Variants in SAMD4A observed in about 807,000 individuals in gnomAD.
SAMD4A encodes protein Smaug homolog 1.
In SAMD4A, 33 loss-of-function variants were observed where a neutral mutation model predicts 81.3. The ratio of observed to expected loss-of-function variants is 0.41; its 90% CI spans 0.31 to 0.54. The LOEUF is 0.54. SAMD4A is among the 20% of genes least tolerant of loss of function. SAMD4A has a pLI of 0.37. For missense variants in SAMD4A, 854 were observed against 951.1 expected (o/e 0.90, Z 1.34); for synonymous variants, 389 against 382.1 (o/e 1.02, Z -0.21).
At chr14:54,568,143 C>G in intron 2 of SAMD4A, 31 bp downstream of exon 2, 9 of 1,448,372 alleles carry the variant, frequency 6.2e-6, no homozygotes, top group Non-Finnish European at 8.1e-6. Flanking sequence ...GCCGCCGTCC[C>G]GCCTGCCCAA....
chr14:54,761,249 G>T (rs1159041976), intron 7 of SAMD4A, among the ~76,000 whole-genome samples: 1 of 152,170 alleles, frequency 6.6e-6, no homozygotes, highest in Non-Finnish European at 1.5e-5. Context: ...AGGCTAATTA[G>T]CCCACCTGAG....
chr14:54,640,062 T>C (rs2035137061), intron 2 of SAMD4A, among the ~76,000 whole-genome samples: 1 of 151,902 alleles, frequency 6.6e-6, no homozygotes. Context: ...GTTTGCAGTG[T>C]ACCCTCAAAT....
At position 54,760,358 on chromosome 14, in the gene SAMD4A, C is replaced by A; in HGVS notation, c.1374C>A (p.Gly458=). The change falls in exon 7 of 13, where the codon GGC becomes GGA. Residue 458 remains glycine, a synonymous_variant. Transcript: ENST00000554335. ...PDCKDGAAAT[G]ATATPSAGAS... ...GCAAAGATGGGGCCGCAGCCACTGG[C>A]GCCACGGCCACCCCCTCGGCCGGGG... 1 of 1,580,042 alleles carries A rather than the reference C, an allele frequency of 6.3e-7. No homozygotes were observed. The highest frequency in any genetic ancestry group is 8.6e-7 in the Non-Finnish European group (1 of 1,169,454).
chr14:54,611,150 G>GA (rs548196419), intron 2 of SAMD4A, among the ~76,000 whole-genome samples: 22 of 150,388 alleles, frequency 1.5e-4, no homozygotes, highest in South Asian at 4.2e-4. Context: ...GTCCTAAAGA[G>GA]AAAAAAAAAC....
chr14:54,789,033 C>G lies in SAMD4A; in HGVS notation c.*89C>G. The stretch of plus-strand genomic sequence containing the variant: ...ATCTTCAGGGTTGCACAGAATCCTC[C>G]AAGATACTTTGCAGCCTTTTTTCCC... On this transcript the variant is annotated 3_prime_UTR_variant, in exon 13 of 13. Coordinates refer to ENST00000554335, the MANE Select transcript of SAMD4A (RefSeq NM_015589.6). 6.9e-7 allele frequency: 1 copy of G among 1,448,294 alleles called. No individual in the cohort carries two copies. Among genetic ancestry groups the G allele is most frequent in the Non-Finnish European group, 9.7e-7 (1 of 1,029,874 alleles). 89.7% of individuals were successfully genotyped at this position (1,448,294 alleles called of 1,614,324 possible). A position where few individuals can be genotyped will look rare whatever the true frequency, so the allele number is the denominator to read the frequency against.
At chr14:54,740,625 C>T (rs763639208) in intron 4 of SAMD4A, among the ~76,000 whole-genome samples, 31 of 152,330 alleles carry the variant, frequency 2.0e-4, no homozygotes, top group Admixed American at 5.2e-4. Flanking sequence ...ACACATCCTC[C>T]GTTAGGAGTG....
intron 2 of SAMD4A, chr14:54,687,870 A>G (rs2036318231): frequency 2.6e-6 from 2 of 759,216 alleles, no homozygotes; most frequent in Middle Eastern, 6.7e-4. Context: ...CAGGAGCTCA[A>G]ATCAGGGCCA....
rs145668044 is a variant in SAMD4A, at chr14:54,656,936, C to T, written c.197-45126C>T. ...TGTGATTTCTCATATTTTGCCAAAC[C>T]AATAGGGCAAAGAAACCACTGACAT... On this transcript the variant is annotated intron_variant, in intron 2 of 12. Coordinates refer to ENST00000554335, the MANE Select transcript of SAMD4A (RefSeq NM_015589.6). Among the ~76,000 whole-genome samples the T allele has an allele frequency of 1.6e-3, 248 of 152,146 alleles. 3 individuals are homozygous for T. In the East Asian group the frequency reaches 0.027, roughly 17 times the overall value.
At chr14:54,601,864 A>G (rs1261738887) in intron 2 of SAMD4A, among the ~76,000 whole-genome samples, 1 of 152,208 alleles carries the variant, frequency 6.6e-6, no homozygotes, top group Non-Finnish European at 1.5e-5. Flanking sequence ...AATAATGGGT[A>G]TTAGAGTTGT....
At chr14:54,740,640 T>C (rs953188870) in intron 4 of SAMD4A, among the ~76,000 whole-genome samples, 1 of 152,190 alleles carries the variant, frequency 6.6e-6, no homozygotes, top group Admixed American at 6.5e-5. Flanking sequence ...GGAGTGTGCC[T>C]CTTGGGTCAA....
intron 9 of SAMD4A, among the ~76,000 whole-genome samples, chr14:54,774,331 C>A (rs9323270): frequency 0.32 from 48,453 of 152,108 alleles, 8,330 homozygotes; most frequent in African/African-American, 0.45. Flanking sequence ...CATGTGATAC[C>A]GCCTCTCAGA....
chr14:54,755,465 G>A (rs2038213997), intron 6 of SAMD4A, among the ~76,000 whole-genome samples: 1 of 152,174 alleles, frequency 6.6e-6, no homozygotes, highest in Non-Finnish European at 1.5e-5. Flanking sequence ...AGCGTGGACA[G>A]GCCCTGAGGA....
intron 2 of SAMD4A, among the ~76,000 whole-genome samples, chr14:54,635,326 G>A (rs2035009393): frequency 6.7e-6 from 1 of 148,624 alleles, no homozygotes; most frequent in Non-Finnish European, 1.5e-5. Context: ...TCAGGAGGCT[G>A]AGGCAGGAGA....
At chr14:54,597,683 A>G (rs2033949040) in intron 2 of SAMD4A, among the ~76,000 whole-genome samples, 1 of 138,668 alleles carries the variant, frequency 7.2e-6, no homozygotes, top group South Asian at 2.3e-4. Context: ...TCGACCTCCC[A>G]GGTTCAAGCG....
chr14:54,759,645 T>A (rs1278278449), intron 6 of SAMD4A, among the ~76,000 whole-genome samples: 7 of 152,218 alleles, frequency 4.6e-5, no homozygotes, highest in Admixed American at 1.3e-4. Context: ...TTTGCCCAGG[T>A]TCACATGGGA....
In SAMD4A at chr14:54,574,347, T is replaced by C. The variant is rs115885240; in HGVS notation, c.196+6235T>C. 4.3e-3 allele frequency among the ~76,000 whole-genome samples: 653 copies of C among 152,266 alleles called. 4 individuals carry two copies. The highest frequency in any genetic ancestry group is 0.015 in the African/African-American group (627 of 41,526). ...AGTCTGAGAAGCTGAATGGAAGAAGTAAACTTGACTGTGTCACATGAAATA... is the reference window on the plus strand; with the variant it reads ...AGTCTGAGAAGCTGAATGGAAGAAGCAAACTTGACTGTGTCACATGAAATA... On this transcript the variant is annotated intron_variant, in intron 2 of 12. Coordinates refer to ENST00000554335, the MANE Select transcript of SAMD4A (RefSeq NM_015589.6).
chr14:54,618,924 G>C (rs183126153), intron 2 of SAMD4A, among the ~76,000 whole-genome samples: 1 of 152,162 alleles, frequency 6.6e-6, no homozygotes, highest in East Asian at 1.9e-4. Context: ...TAACTATATA[G>C]TAGGACTAGC....
intron 2 of SAMD4A, among the ~76,000 whole-genome samples, chr14:54,613,875 T>C (rs1453104859): frequency 6.6e-6 from 1 of 152,232 alleles, no homozygotes; most frequent in Non-Finnish European, 1.5e-5. Context: ...TTGTTTGCTC[T>C]TTTTTGCTCG....
chr14:54,580,984 T>C (rs1000046309), intron 2 of SAMD4A, among the ~76,000 whole-genome samples: 1 of 152,220 alleles, frequency 6.6e-6, no homozygotes, highest in African/African-American at 2.4e-5. Flanking sequence ...ATCCTCACGC[T>C]GTTACCAAGA....
Sources: allele counts gnomAD v4.1 joint callset (sites outside exome capture counted in the v4.1 genomes callset), GRCh38; gene constraint gnomAD v4.1.1; transcripts MANE v1.5; gene names NCBI Gene and HGNC (gene_info 2026-07-23, HGNC 2026-07-21).